MYCBPAP: variants seen among roughly 807,000 people sequenced by gnomAD.
The protein encoded by MYCBPAP is MYCBP associated protein, also known as MYCBP-associated protein.
A neutral mutation model predicts 106.1 loss-of-function variants in MYCBPAP; 60 were observed. The ratio of observed to expected loss-of-function variants is 0.57; its 90% confidence interval spans 0.46 to 0.70. MYCBPAP has a LOEUF of 0.70. Ranked by LOEUF, MYCBPAP falls within the 30% of genes least tolerant of loss-of-function variation. The pLI is 0.00. For missense variants in MYCBPAP, 1,064 were observed against 1,169.3 expected (o/e 0.91, Z 1.31); for synonymous variants, 407 against 440.6 (o/e 0.92, Z 0.95).
In MYCBPAP at chr17:50,521,978, C is replaced by T; in HGVS notation, c.1154C>T (p.Thr385Ile). The change falls in exon 10 of 19, where the codon ACA becomes ATA. Residue 385 changes from threonine to isoleucine, a missense_variant. Transcript: ENST00000323776. ...SSSEDTAYLG[T>I]LASSSDVSMP... ...GTCATTGGCTTTTCTTACAGAGGCA[C>T]ATTGGCCAGTTCCTCTGATGTCTCC... is the stretch of plus-strand genomic sequence containing the variant. 6.2e-7 allele frequency: 1 copy of T among 1,613,370 alleles called. No homozygotes were observed. The highest frequency in any genetic ancestry group is 8.5e-7 in the Non-Finnish European group (1 of 1,179,410).
intron 18 of MYCBPAP, 94 bp from the exon 19 acceptor site, chr17:50,531,233 T>A: frequency 1.4e-6 from 1 of 728,416 alleles, no homozygotes. Flanking sequence ...AACTGGTTTC[T>A]TTCCCCTCTC....
At chr17:50,512,276 G>T (rs1423718984) in intron 1 of MYCBPAP, among the ~76,000 whole-genome samples, 1 of 152,020 alleles carries the variant, frequency 6.6e-6, no homozygotes, top group Non-Finnish European at 1.5e-5. Flanking sequence ...GGATGGTCTC[G>T]ATCTCCTGAC....
Position 50,519,024 on chromosome 17 carries a change from T to C in MYCBPAP, c.703T>C (p.Tyr235His), listed in dbSNP as rs1334016551. ...GCTGCTCATGCACACCGGGGAGACC[T>C]ACAGACGGATCCAGGAGGAGCGGGA... ...SELLMHTGET[Y>H]RRIQEERELI... is the part of the protein sequence containing the mutation. The change falls in exon 6 of 19, where the codon TAC becomes CAC. Residue 235 changes from tyrosine to histidine, a missense_variant. Tyr to His is a moderately conservative substitution (Grantham distance 83). Coordinates refer to ENST00000323776, the MANE Select transcript of MYCBPAP (RefSeq NM_032133.6). 1 of 1,613,820 alleles carries C rather than the reference T, an allele frequency of 6.2e-7. No individual in the cohort carries two copies. Among genetic ancestry groups the C allele is most frequent in the Non-Finnish European group, 8.5e-7 (1 of 1,179,992 alleles).
rs201629157 is a variant in MYCBPAP, at chr17:50,521,154, C to T, written c.961C>T (p.Arg321Trp). Residue 321 changes from arginine (R) to tryptophan (W), a missense_variant, in exon 8 of 19, where the codon CGG becomes TGG. Physicochemically the swap from Arg to Trp is moderately radical, Grantham distance 101. Transcript: ENST00000323776. ...CGCTTCATACCGCTACACCTGGGAT[C>T]GGAGTCTGTTTCTGATCTACCGACG... Reference protein sequence around the residue: ...RDASYRYTWDRSLFLIYRRKE... With the variant: ...RDASYRYTWDWSLFLIYRRKE... The T allele has an allele frequency of 1.4e-5, 22 of 1,613,744 alleles. No homozygotes were observed. Among genetic ancestry groups the T allele is most frequent in the South Asian group, 2.2e-5 (2 of 90,926 alleles).
At position 50,522,928 on chromosome 17, in the gene MYCBPAP, C is replaced by T; in HGVS notation, c.1258-11C>T. 2 of 1,604,750 alleles carry T rather than the reference C, an allele frequency of 1.2e-6. No individual in the cohort carries two copies. Among genetic ancestry groups the T allele is most frequent in the Non-Finnish European group, 1.7e-6 (2 of 1,172,632 alleles). ...TGCAGCAAAGACATTTCTTGTCCCTCCTCCTTCCAGAGGCAGGTTGGGATT... is the reference window on the plus strand; with the variant it reads ...TGCAGCAAAGACATTTCTTGTCCCTTCTCCTTCCAGAGGCAGGTTGGGATT... On this transcript the variant is annotated splice_polypyrimidine_tract_variant and intron_variant, in intron 10 of 18. Coordinates refer to ENST00000323776, the MANE Select transcript of MYCBPAP (RefSeq NM_032133.6).
At chr17:50,508,384 T>A, upstream of MYCBPAP, 1 of 580,514 alleles carries the variant, frequency 1.7e-6, no homozygotes, top group Non-Finnish European at 2.8e-6. Context: ...CCCGCCCGGC[T>A]GGTGACGTCA....
In MYCBPAP at chr17:50,529,024, C is replaced by A; in HGVS notation, c.2560C>A (p.Pro854Thr). ...TGTCTCCCTCCCCCAGCAGGACCGT[C>A]CCAACAGCAAGAAGCACAAGGCAAA... The part of the protein sequence containing the change: ...GAKLLGKEDR[P>T]NSKKHKAKDD... Residue 854 changes from proline to threonine, a missense_variant, in exon 18 of 19, where the codon CCC (proline) becomes ACC (threonine). By Grantham distance (38) the Pro-to-Thr change is conservative. Coordinates refer to ENST00000323776, the MANE Select transcript of MYCBPAP (RefSeq NM_032133.6). 6.2e-7 allele frequency: 1 copy of A among 1,613,844 alleles called. No individual in the cohort carries two copies. Among genetic ancestry groups the A allele is most frequent in the Non-Finnish European group, 8.5e-7 (1 of 1,179,862 alleles).
chr17:50,515,332 A>G (rs2034009902), intron 1 of MYCBPAP, among the ~76,000 whole-genome samples: 1 of 152,150 alleles, frequency 6.6e-6, no homozygotes, highest in African/African-American at 2.4e-5. Flanking sequence ...CTTTAAAGAC[A>G]AGCTCTGGCA....
intron 7 of MYCBPAP, 135 bp from the exon 8 acceptor site, chr17:50,520,975 C>A: frequency 2.9e-6 from 2 of 681,192 alleles, no homozygotes; most frequent in African/African-American, 1.8e-5. Context: ...GGGAGTCTAG[C>A]TGCCACAGGG....
chr17:50,529,434 A>G, intron 18 of MYCBPAP: 1 of 471,840 alleles, frequency 2.1e-6, no homozygotes, highest in Non-Finnish European at 3.9e-6. Context: ...TGAGGAGGTG[A>G]CAACCCACAA....
Position 50,508,541 on chromosome 17 carries a change from G to C in MYCBPAP, c.-134G>C. 1.9e-6 allele frequency: 3 copies of C among 1,539,204 alleles called. No homozygotes were observed. The highest frequency in any genetic ancestry group is 2.6e-6 in the Non-Finnish European group (3 of 1,143,968). ...CAAGCCGTCTCCGCCCAAGTTGATC[G>C]GTGGATGCGCGCCCCCGCGCGGGGC... is the stretch of plus-strand genomic sequence containing the variant. On this transcript the variant is annotated 5_prime_UTR_variant, in exon 1 of 19. Coordinates refer to ENST00000323776, the MANE Select transcript of MYCBPAP (RefSeq NM_032133.6).
intron 14 of MYCBPAP, 76 bp from the exon 15 acceptor site, chr17:50,527,211 C>A: frequency 1.9e-6 from 3 of 1,583,234 alleles, no homozygotes; most frequent in Non-Finnish European, 2.6e-6. Context: ...GCCACCCATC[C>A]CCACATCACC....
At chr17:50,508,335 GCAACTCGC>G (rs1444740240), upstream of MYCBPAP, 1 of 471,380 alleles carries the variant, frequency 2.1e-6, no homozygotes, top group Non-Finnish European at 3.7e-6. Flanking sequence ...CTCGGCTCCC[GCAACTCGC>G]GGGGGTCCTC....
chr17:50,518,619 A>G lies in MYCBPAP; in HGVS notation c.547A>G (p.Lys183Glu), dbSNP rs773632423. ...AGGAGAGTCAAAGCAAAAAGCCCCA[A>G]AAGAAGAGAAGAGACCTCCCTGGGC... Reference protein sequence around the residue: ...AEGESKQKAPKEEKRPPWAPP... With the variant: ...AEGESKQKAPEEEKRPPWAPP... Residue 183 changes from lysine (K) to glutamate (E), a missense_variant, in exon 5 of 19, where the codon AAA (lysine) becomes GAA (glutamate). Coordinates refer to ENST00000323776, the MANE Select transcript of MYCBPAP (RefSeq NM_032133.6). 9.3e-6 allele frequency: 15 copies of G among 1,611,046 alleles called. No homozygotes were observed. Among genetic ancestry groups the G allele is most frequent in the African/African-American group, 1.3e-5 (1 of 74,608 alleles).
At position 50,531,344 on chromosome 17, in the gene MYCBPAP, C is replaced by T; in HGVS notation, c.2742C>T (p.Asp914=). The T allele has an allele frequency of 7.4e-6, 12 of 1,612,740 alleles. No homozygotes were observed. The highest frequency in any genetic ancestry group is 1.0e-5 in the Non-Finnish European group (12 of 1,179,582). The stretch of plus-strand genomic sequence containing the variant: ...TCTTCCAGGTCCGTGGGCTGCTGGA[C>T]ACCCTGGTGACTGACCTGATGGTCC... ...SLHSEVRGLL[D]TLVTDLMVLA... The change falls in exon 19 of 19, where the codon GAC becomes GAT. Residue 914 remains aspartate, a synonymous_variant. Transcript: ENST00000323776.
intron 14 of MYCBPAP, 30 bp from the exon 15 acceptor site, chr17:50,527,257 G>T (rs1453605059): frequency 6.2e-7 from 1 of 1,613,036 alleles, no homozygotes; most frequent in East Asian, 2.2e-5. Flanking sequence ...TTGGTGTCCT[G>T]GTGCAGAATG....
At chr17:50,521,010 GA>G in intron 7 of MYCBPAP, 99 bp from the exon 8 acceptor site, 1 of 889,022 alleles carries the variant, frequency 1.1e-6, no homozygotes, top group South Asian at 1.5e-5. Context: ...GTCCTTCCTA[GA>G]AATGGTGTTG....
At chr17:50,528,334 C>A in intron 16 of MYCBPAP, 64 bp downstream of exon 16, 1 of 1,350,966 alleles carries the variant, frequency 7.4e-7, no homozygotes, top group Non-Finnish European at 1.0e-6. Context: ...AATGGACAAG[C>A]AGCAGTGCCT....
At chr17:50,521,746 C>A (rs780055241) in intron 9 of MYCBPAP, among the ~76,000 whole-genome samples, 24 of 152,196 alleles carry the variant, frequency 1.6e-4, no homozygotes, top group Admixed American at 5.9e-4. Context: ...TTTCTGTGTA[C>A]TGTGAGTGGC....
Sources: gnomAD v4.1 joint callset for allele counts (sites outside exome capture counted in the v4.1 genomes callset) on GRCh38, gnomAD v4.1.1 for gene constraint, MANE v1.5 for transcripts, NCBI Gene and HGNC (gene_info 2026-07-23, HGNC 2026-07-21) for gene names.